Variants in DPP6 observed in about 807,000 individuals in gnomAD.
DPP6 encodes A-type potassium channel modulatory protein DPP6.
DPP6 carries 69 observed loss-of-function variants against 122.6 expected under a neutral mutation model. The ratio of observed to expected loss-of-function variants is 0.56; its 90% CI spans 0.46 to 0.69. The LOEUF is 0.69. Among genes scored for constraint, DPP6 ranks in the 30% least tolerant of loss-of-function variants. DPP6 has a pLI of 0.00. For synonymous variants in DPP6, 418 were observed against 433.1 expected (o/e 0.97, Z 0.43); for missense variants, 928 against 1,116.9 (o/e 0.83, Z 2.41).
At chr7:153,952,880 C>G (rs1217738267) in intron 1 of DPP6, among the ~76,000 whole-genome samples, 2 of 152,180 alleles carry the variant, frequency 1.3e-5, no homozygotes, top group Non-Finnish European at 2.9e-5. Flanking sequence ...AGGAGTCAGT[C>G]AGATACAATT....
Position 154,622,252 on chromosome 7 carries a change from C to T in DPP6, c.628-15569C>T, listed in dbSNP as rs140055159. ...AAATGATATAGCGACAATGGCACTA[C>T]ATTTGCTACTGGCAGCTCAAGAAGA... On this transcript the variant is annotated intron_variant, in intron 5 of 25. Coordinates refer to ENST00000377770, the MANE Select transcript of DPP6 (RefSeq NM_130797.4). Among the ~76,000 whole-genome samples, 414 of 152,280 alleles carry T rather than the reference C, an allele frequency of 2.7e-3. 3 individuals are homozygous for T. The highest frequency in any genetic ancestry group is 8.9e-3 in the African/African-American group (370 of 41,556).
chr7:153,847,850 T>A, the DPP6 span, among the ~76,000 whole-genome samples: 1 of 152,236 alleles, frequency 6.6e-6, no homozygotes, highest in Non-Finnish European at 1.5e-5. Context: ...GGGGACTTTA[T>A]ATGCAGACTT....
intron 1 of DPP6, among the ~76,000 whole-genome samples, chr7:154,034,021 T>C (rs1294546045): frequency 2.0e-5 from 3 of 152,162 alleles, no homozygotes; most frequent in Non-Finnish European, 4.4e-5. Context: ...GAAGGCTCAT[T>C]GAGATGATTT....
chr7:153,990,826 G>A (rs192686259), intron 1 of DPP6, among the ~76,000 whole-genome samples: 3 of 152,330 alleles, frequency 2.0e-5, no homozygotes, highest in African/African-American at 4.8e-5. Flanking sequence ...AAGGAGTGAC[G>A]TCCAAGTTTA....
At chr7:154,608,797 G>C (rs546523363) in intron 5 of DPP6, among the ~76,000 whole-genome samples, 4 of 152,136 alleles carry the variant, frequency 2.6e-5, no homozygotes, top group African/African-American at 7.2e-5. Flanking sequence ...TTCAATAATT[G>C]ATTGCTAATC....
chr7:154,332,298 C>T (rs1809017831), intron 1 of DPP6, among the ~76,000 whole-genome samples: 2 of 152,212 alleles, frequency 1.3e-5, no homozygotes, highest in Admixed American at 6.5e-5. Context: ...TCTCAAACTC[C>T]TGGCCTCAGG....
chr7:154,036,840 T>G (rs1563121366), intron 1 of DPP6, among the ~76,000 whole-genome samples: 1 of 152,144 alleles, frequency 6.6e-6, no homozygotes, highest in Non-Finnish European at 1.5e-5. Context: ...AACTCTGATG[T>G]CTGCACCACT....
At chr7:153,916,760 G>C (rs1389137536) in intron 1 of DPP6, among the ~76,000 whole-genome samples, 1 of 151,970 alleles carries the variant, frequency 6.6e-6, no homozygotes, top group Non-Finnish European at 1.5e-5. Context: ...GGGTCACACT[G>C]GTGCTTACAT....
intron 1 of DPP6, among the ~76,000 whole-genome samples, chr7:154,146,642 C>T (rs1796098439): frequency 6.6e-6 from 1 of 152,284 alleles, no homozygotes. Flanking sequence ...CAAATGACCA[C>T]GTTTAAGAAT....
intron 6 of DPP6, among the ~76,000 whole-genome samples, chr7:154,653,520 G>A (rs1206493640): frequency 6.6e-6 from 1 of 151,984 alleles, no homozygotes; most frequent in Admixed American, 6.6e-5. Flanking sequence ...TAGATAAATA[G>A]GTAGATAGAT....
At chr7:154,650,972 CTG>C (rs1048461057) in intron 6 of DPP6, among the ~76,000 whole-genome samples, 3 of 152,216 alleles carry the variant, frequency 2.0e-5, no homozygotes, top group Non-Finnish European at 4.4e-5. Context: ...TCTTACATCT[CTG>C]TGTACATCCT....
chr7:154,759,386 T>C (rs1176349622), intron 8 of DPP6, among the ~76,000 whole-genome samples: 2 of 152,138 alleles, frequency 1.3e-5, no homozygotes, highest in African/African-American at 4.8e-5. Context: ...ATCACACAAC[T>C]CAAGAGCACG....
chr7:153,749,064 C>G, the DPP6 span, among the ~76,000 whole-genome samples: 21 of 152,090 alleles, frequency 1.4e-4, no homozygotes, highest in African/African-American at 4.3e-4. This position sits in a 1 kb window ranked among gnomAD's most constrained non-coding sequence, Gnocchi z 4.1. Context: ...CAGATGGAGG[C>G]TACAGTTGGC....
At chr7:153,867,257 C>T in the DPP6 span, among the ~76,000 whole-genome samples, 151 of 152,242 alleles carry the variant, frequency 9.9e-4, 1 homozygote, top group Non-Finnish European at 1.8e-3. Flanking sequence ...GCCATTTTCA[C>T]GATATTGATT....
At chr7:154,754,966 G>T (rs908009109) in intron 8 of DPP6, among the ~76,000 whole-genome samples, 8 of 151,962 alleles carry the variant, frequency 5.3e-5, no homozygotes, top group Admixed American at 2.0e-4. Flanking sequence ...TCATACACTA[G>T]GGCCTGTCTG....
intron 1 of DPP6, among the ~76,000 whole-genome samples, chr7:154,426,472 A>T (rs984555874): frequency 1.6e-4 from 25 of 152,202 alleles, no homozygotes; most frequent in Admixed American, 6.5e-5. Context: ...AGGAGTTTGC[A>T]GTTCCGTAGT....
At chr7:154,348,981 G>A (rs951800432) in intron 1 of DPP6, among the ~76,000 whole-genome samples, 2 of 152,098 alleles carry the variant, frequency 1.3e-5, no homozygotes, top group Non-Finnish European at 2.9e-5. Context: ...CTGTTGTTTC[G>A]ATGAAGCATT....
the DPP6 span, among the ~76,000 whole-genome samples, chr7:153,867,611 C>A: frequency 7.3e-4 from 111 of 152,330 alleles, no homozygotes; most frequent in African/African-American, 2.5e-3. Context: ...GACAATTTGA[C>A]TTCCTCTTTT....
chr7:153,998,542 T>C (rs2628977), intron 1 of DPP6, among the ~76,000 whole-genome samples: 1 of 152,176 alleles, frequency 6.6e-6, no homozygotes, highest in Non-Finnish European at 1.5e-5. Context: ...CCTTAGTATC[T>C]AGGGAGAATG....
Sources: gnomAD v4.1 joint callset for allele counts (sites outside exome capture counted in the v4.1 genomes callset) on GRCh38, gnomAD v4.1.1 for gene constraint, Gnocchi (gnomAD v3.1) non-coding constraint, MANE v1.5 for transcripts, NCBI Gene and HGNC (gene_info 2026-07-23, HGNC 2026-07-21) for gene names.